The following RAB3GAP2 variants were observed in gnomAD, a reference collection of about 807,000 sequenced individuals.
The protein encoded by RAB3GAP2 is RAB3 GTPase activating non-catalytic protein subunit 2.
Under a neutral mutation model 185.3 loss-of-function variants are expected in RAB3GAP2, and 87 were observed. The ratio of observed to expected loss-of-function variants is 0.47; its 90% CI spans 0.39 to 0.56. The LOEUF is 0.56. Among genes scored for constraint, RAB3GAP2 ranks in the 20% least tolerant of loss-of-function variants. The probability of loss-of-function intolerance (pLI) is 0.00; values close to 1 mark genes in which losing one functional copy is unlikely to be tolerated. For missense variants in RAB3GAP2, 1,492 were observed against 1,638.2 expected, an observed-to-expected ratio of 0.91 and a Z score of 1.54; for synonymous variants, 554 against 576.1, an observed-to-expected ratio of 0.96 and a Z score of 0.55.
At chr1:220,239,989 TAAAA>T (rs146214516) in intron 1 of RAB3GAP2, among the ~76,000 whole-genome samples, 2 of 135,006 alleles carry the variant, frequency 1.5e-5, no homozygotes, top group Admixed American at 7.4e-5. Context: ...TTTTGAAGAT[TAAAA>T]AAAAAAAAAA....
chr1:220,187,560 C>CT (rs1323672643), intron 17 of RAB3GAP2, among the ~76,000 whole-genome samples: 2 of 152,144 alleles, frequency 1.3e-5, no homozygotes, highest in Non-Finnish European at 2.9e-5. Flanking sequence ...AGCTGGAAGA[C>CT]TGAGTTGATC....
At chr1:220,264,405 T>C (rs1424219352) in intron 1 of RAB3GAP2, among the ~76,000 whole-genome samples, 1 of 152,092 alleles carries the variant, frequency 6.6e-6, no homozygotes, top group East Asian at 2.0e-4. Context: ...AGGTTTTTTT[T>C]ACACCTTGAA....
intron 27 of RAB3GAP2, 125 bp downstream of exon 27, chr1:220,164,608 T>C: frequency 1.3e-5 from 18 of 1,357,670 alleles, no homozygotes; most frequent in Non-Finnish European, 1.8e-5. Flanking sequence ...TACACAGTAA[T>C]ATGTTAGGCT....
intron 12 of RAB3GAP2, among the ~76,000 whole-genome samples, chr1:220,194,192 A>G (rs1658680589): frequency 6.6e-6 from 1 of 152,030 alleles, no homozygotes. Flanking sequence ...ATAAAAAATG[A>G]TTTTAAAACA....
rs1161462546 is a variant in RAB3GAP2 at position 220,153,362 on chromosome 1, T to C, written c.3690A>G (p.Ser1230=). ...VVSAAVQAQH[S]ATKVKDPTEE... Reference sequence around the variant, plus strand: ...CTGTGGGATCTTTGACCTTTGTGGCTGAATGTTGGGCCTGGACAGCTGCAC... The same window carrying C: ...CTGTGGGATCTTTGACCTTTGTGGCCGAATGTTGGGCCTGGACAGCTGCAC... The change falls in exon 33 of 35, where the codon TCA becomes TCG. Residue 1230 remains serine, a synonymous_variant. Transcript: ENST00000358951. 1 of 1,614,200 alleles carries C rather than the reference T, an allele frequency of 6.2e-7. No individual in the cohort carries two copies. Among genetic ancestry groups the C allele is most frequent in the Admixed American group, 1.7e-5 (1 of 60,026 alleles).
chr1:220,171,938 A>G lies in RAB3GAP2; in HGVS notation c.2528T>C (p.Val843Ala), dbSNP rs1290765831. The change falls in exon 23 of 35, where the codon GTT becomes GCT. Residue 843 changes from valine (V) to alanine (A), a missense_variant. Transcript: ENST00000358951. ...NNGAALLSAHVGHSVAAQISN... is the reference protein window; with the variant it reads ...NNGAALLSAHAGHSVAAQISN... The stretch of plus-strand genomic sequence containing the variant: ...TATCTGTGCAGCAACAGAATGCCCA[A>G]CATGCGCAGACAACAGAGCGGCTCC... 5 of 1,614,214 alleles carry G rather than the reference A, an allele frequency of 3.1e-6. No homozygotes were observed. Among genetic ancestry groups the G allele is most frequent in the East Asian group, 2.2e-5 (1 of 44,882 alleles).
chr1:220,205,964 T>C lies in RAB3GAP2; in HGVS notation c.655A>G (p.Ile219Val), dbSNP rs1345506404. The change falls in exon 8 of 35, where the codon ATT becomes GTT. Residue 219 changes from isoleucine to valine, a missense_variant. Ile to Val is a conservative substitution (Grantham distance 29). Transcript: ENST00000358951. The part of the protein sequence containing the change: ...SILYPAAIVT[I>V]DGFSLFQSLR... ...GATTGAAAAAGGCTAAATCCATCAA[T>C]AGTCACAATGGCAGCTGGATATAAG... is the stretch of plus-strand genomic sequence containing the variant. 9 of 1,611,344 alleles carry C rather than the reference T, an allele frequency of 5.6e-6. No individual in the cohort carries two copies. Among genetic ancestry groups the C allele is most frequent in the East Asian group, 4.5e-5 (2 of 44,762 alleles).
At chr1:220,261,466 A>G (rs1389198087) in intron 1 of RAB3GAP2, among the ~76,000 whole-genome samples, 1 of 152,354 alleles carries the variant, frequency 6.6e-6, no homozygotes, top group East Asian at 1.9e-4. Context: ...ATAGCCTCCT[A>G]ACTGGTCACT....
At chr1:220,248,614 G>A (rs928098635) in intron 1 of RAB3GAP2, among the ~76,000 whole-genome samples, 1 of 144,442 alleles carries the variant, frequency 6.9e-6, no homozygotes, top group Non-Finnish European at 1.5e-5. Flanking sequence ...ATTTGGTTTG[G>A]TTTTTTTTTT....
chr1:220,171,833 C>A (rs1658183493), intron 23 of RAB3GAP2, 56 bp downstream of exon 23: 9 of 1,608,442 alleles, frequency 5.6e-6, no homozygotes, highest in Middle Eastern at 3.5e-4. Context: ...AAAAGGAAAG[C>A]ATCCCCTTAG....
intron 2 of RAB3GAP2, among the ~76,000 whole-genome samples, chr1:220,227,282 T>G (rs114138063): frequency 6.6e-4 from 101 of 152,342 alleles, no homozygotes; most frequent in African/African-American, 2.4e-3. Context: ...TATTAAAATA[T>G]GCTTTCTTCA....
chr1:220,267,773 C>G, intron 1 of RAB3GAP2: 3 of 1,521,108 alleles, frequency 2.0e-6, no homozygotes, highest in Non-Finnish European at 2.7e-6. Context: ...TTGAAGGACA[C>G]AAGACCCACT....
chr1:220,169,188 GA>G (rs1437866976), intron 24 of RAB3GAP2, among the ~76,000 whole-genome samples: 1 of 152,162 alleles, frequency 6.6e-6, no homozygotes, highest in Non-Finnish European at 1.5e-5. Context: ...TAAAGAATGA[GA>G]AAAGAAGTAA....
At chr1:220,195,269 A>G (rs750235239) in intron 11 of RAB3GAP2, 29 bp downstream of exon 11, 6 of 1,598,804 alleles carry the variant, frequency 3.8e-6, no homozygotes, top group Non-Finnish European at 4.3e-6. Context: ...CAAATGAGAT[A>G]TTTGTTATTT....
intron 21 of RAB3GAP2, among the ~76,000 whole-genome samples, chr1:220,173,977 G>A (rs1301188863): frequency 1.4e-5 from 2 of 142,824 alleles, no homozygotes; most frequent in Non-Finnish European, 3.0e-5. Flanking sequence ...CTGAGATCAT[G>A]CCACTGAACT....
At chr1:220,206,103 C>A (rs1658960430) in intron 7 of RAB3GAP2, 97 bp from the exon 8 acceptor site, 4 of 766,812 alleles carry the variant, frequency 5.2e-6, no homozygotes, top group Admixed American at 5.2e-5. Context: ...ACATAACCAC[C>A]CAACACCCAA....
At chr1:220,204,471 C>G (rs533108915) in intron 8 of RAB3GAP2, among the ~76,000 whole-genome samples, 1 of 152,008 alleles carries the variant, frequency 6.6e-6, no homozygotes, top group African/African-American at 2.4e-5. Flanking sequence ...ATTTTATATT[C>G]GGTATTATCA....
chr1:220,248,870 TCTCA>T (rs1341942601), intron 1 of RAB3GAP2, among the ~76,000 whole-genome samples: 7 of 152,162 alleles, frequency 4.6e-5, no homozygotes, highest in African/African-American at 1.7e-4. Context: ...CCCACTTTGC[TCTCA>T]CTCATTCTCC....
chr1:220,257,211 T>C (rs1268893264), intron 1 of RAB3GAP2, among the ~76,000 whole-genome samples: 2 of 152,010 alleles, frequency 1.3e-5, no homozygotes, highest in Non-Finnish European at 2.9e-5. Context: ...ACCATGTCTC[T>C]ACTAAAAATA....
Sources: allele counts gnomAD v4.1 joint callset (sites outside exome capture counted in the v4.1 genomes callset), GRCh38; gene constraint gnomAD v4.1.1; transcripts MANE v1.5; gene names NCBI Gene and HGNC (gene_info 2026-07-23, HGNC 2026-07-21).